Variants in FARP2 observed in about 807,000 individuals in gnomAD.
FARP2 encodes FERM, ARHGEF and pleckstrin domain-containing protein 2.
FARP2 carries 111 observed loss-of-function variants against 130.5 expected under a neutral mutation model. That is an observed-to-expected ratio of 0.85 (90% CI 0.73 to 1.00). The LOEUF is 1.00. Ranked by LOEUF, FARP2 falls within the 50% of genes least tolerant of loss-of-function variation. The pLI, the probability that FARP2 is intolerant of heterozygous loss-of-function variation, is 0.00. For missense variants in FARP2, 1,385 were observed against 1,346.3 expected, an observed-to-expected ratio of 1.03 and a Z score of -0.45; for synonymous variants, 504 against 516.9, an observed-to-expected ratio of 0.98 and a Z score of 0.34.
At chr2:241,369,891 A>C (rs934804029) in intron 1 of FARP2, among the ~76,000 whole-genome samples, 2 of 152,196 alleles carry the variant, frequency 1.3e-5, no homozygotes, top group African/African-American at 4.8e-5. Context: ...GGAACCTTCA[A>C]AGTGGAAGTC....
rs143775411 is a variant in FARP2 at position 241,413,307 on chromosome 2, C to T, written c.509C>T (p.Ser170Leu). 1.0e-4 allele frequency: 162 copies of T among 1,594,596 alleles called. No homozygotes were observed. In the African/African-American group the frequency reaches 1.4e-3, roughly 13 times the overall value. ...GTTACTTACTTTTAACCTATCTCAG[C>T]GGAAATAGGAGATTACGATGAAACG... ...AALLTSHLLQSEIGDYDETLD... is the reference protein window; with the variant it reads ...AALLTSHLLQLEIGDYDETLD... The change falls in exon 7 of 27, where the codon TCG (serine) becomes TTG (leucine). Residue 170 changes from serine to leucine, a missense_variant and splice_region_variant. Physicochemically the swap from Ser to Leu is moderately radical, Grantham distance 145. Transcript: ENST00000264042.
At chr2:241,366,657 G>A (rs930892589) in intron 1 of FARP2, among the ~76,000 whole-genome samples, 1 of 152,038 alleles carries the variant, frequency 6.6e-6, no homozygotes, top group Non-Finnish European at 1.5e-5. Context: ...ATTTTATGGG[G>A]TATATTTAAT....
chr2:241,393,137 A>C (rs2061949064), intron 2 of FARP2, among the ~76,000 whole-genome samples: 1 of 151,556 alleles, frequency 6.6e-6, no homozygotes, highest in Admixed American at 6.6e-5. Flanking sequence ...CTCCTGTCTC[A>C]GCCTTCTGAG....
chr2:241,437,859 G>A (rs551011919), intron 12 of FARP2, among the ~76,000 whole-genome samples: 1 of 151,996 alleles, frequency 6.6e-6, no homozygotes, highest in South Asian at 2.1e-4. Flanking sequence ...TAGAGACGGG[G>A]TTTCACTGTG....
In FARP2 at chr2:241,484,341, C is replaced by G; in HGVS notation, c.2421+10C>G. On this transcript the variant is annotated intron_variant, in intron 21 of 26. Coordinates refer to ENST00000264042, the MANE Select transcript of FARP2 (RefSeq NM_014808.4). ...CCTCCAAGGCATGCTGGTGAGTGGT[C>G]TTGCACCCTGCCTGGGATTTCCACG... The G allele has an allele frequency of 6.2e-7, 1 of 1,611,728 alleles. No individual in the cohort carries two copies. The highest frequency in any genetic ancestry group is 8.5e-7 in the Non-Finnish European group (1 of 1,177,846).
chr2:241,461,236 C>T (rs2064008367), intron 14 of FARP2, among the ~76,000 whole-genome samples: 4 of 152,178 alleles, frequency 2.6e-5, no homozygotes, highest in Admixed American at 6.5e-5. Flanking sequence ...TACCTCCACA[C>T]CGGACCTTCA....
rs79651867 is a variant in FARP2, at chr2:241,387,878, C to G, written c.183+14588C>G. Among the ~76,000 whole-genome samples the G allele has an allele frequency of 7.1e-3, 1,066 of 150,850 alleles. 30 individuals carry two copies. The South Asian group carries it at 0.076, about 11-fold the overall frequency. ...TTTGGATTCAATTTAACAAAAGAAC[C>G]TTAAAACTTGTACACAGAAAATCAT... On this transcript the variant is annotated intron_variant, in intron 2 of 26. Transcript: ENST00000264042.
At chr2:241,464,354 C>T (rs903736657) in intron 17 of FARP2, among the ~76,000 whole-genome samples, 5 of 148,134 alleles carry the variant, frequency 3.4e-5, no homozygotes, top group Non-Finnish European at 7.5e-5. Flanking sequence ...CCCCTAAGAG[C>T]GGGGTCTCCT....
intron 2 of FARP2, among the ~76,000 whole-genome samples, chr2:241,392,312 T>G (rs1296617436): frequency 6.6e-6 from 1 of 152,108 alleles, no homozygotes; most frequent in African/African-American, 2.4e-5. Flanking sequence ...CCAGCTTGTG[T>G]AAAAGGAATG....
chr2:241,491,449 G>C (rs1386207630), intron 23 of FARP2, 67 bp from the exon 24 acceptor site: 7 of 1,569,162 alleles, frequency 4.5e-6, no homozygotes, highest in African/African-American at 1.3e-5. Flanking sequence ...GAACCCAAGG[G>C]GTGGAAGTAT....
rs567933264 is a variant in FARP2 at position 241,375,004 on chromosome 2, C to T, written c.183+1714C>T. ...CCCTGTCACCCAGGCTGGAGTGCCA[C>T]GGCATGATCTCGGCTCACTGCAAGC... is the stretch of plus-strand genomic sequence containing the variant. On this transcript the variant is annotated intron_variant, in intron 2 of 26. Transcript: ENST00000264042. 7.9e-5 allele frequency among the ~76,000 whole-genome samples: 12 copies of T among 152,296 alleles called. No homozygotes were observed. In the South Asian group the frequency reaches 2.3e-3, roughly 29 times the overall value.
intron 14 of FARP2, among the ~76,000 whole-genome samples, chr2:241,461,106 T>C (rs2064005096): frequency 1.3e-5 from 2 of 152,074 alleles, no homozygotes; most frequent in Non-Finnish European, 2.9e-5. Flanking sequence ...AGCTACTTGC[T>C]CACTTGCAAA....
At chr2:241,387,509 A>G (rs2061812433) in intron 2 of FARP2, among the ~76,000 whole-genome samples, 1 of 152,196 alleles carries the variant, frequency 6.6e-6, no homozygotes, top group Non-Finnish European at 1.5e-5. Flanking sequence ...AAATTGTTTT[A>G]TTGGCCAGAC....
intron 2 of FARP2, among the ~76,000 whole-genome samples, chr2:241,399,644 AT>A (rs2062116960): frequency 6.6e-6 from 1 of 152,034 alleles, no homozygotes; most frequent in Non-Finnish European, 1.5e-5. Flanking sequence ...ACTATCTTCT[AT>A]TTTGTGGCTT....
Position 241,441,577 on chromosome 2 carries a change from G to T in FARP2, c.1411+21G>T, listed in dbSNP as rs55641294. The T allele has an allele frequency of 2.3e-3, 3,763 of 1,613,810 alleles. 10 individuals carry two copies. Among genetic ancestry groups the T allele is most frequent in the Non-Finnish European group, 3.0e-3 (3,490 of 1,180,044 alleles). Reference sequence around the variant, plus strand: ...TCCAGGTGTCGGGTTTTGTCATGTCGTGAGCAGCTGTGGTTCTGTCTGTGC... The same window carrying T: ...TCCAGGTGTCGGGTTTTGTCATGTCTTGAGCAGCTGTGGTTCTGTCTGTGC... On this transcript the variant is annotated intron_variant, in intron 13 of 26. Transcript: ENST00000264042.
chr2:241,474,133 C>T (rs1039904823), intron 18 of FARP2, among the ~76,000 whole-genome samples: 3 of 151,292 alleles, frequency 2.0e-5, no homozygotes, highest in Non-Finnish European at 4.4e-5. Flanking sequence ...AGTGAAACCC[C>T]GTCTCTACTA....
At position 241,404,795 on chromosome 2, in the gene FARP2, T is replaced by G. The variant is rs1322380265; in HGVS notation, c.289-4T>G. 1.2e-6 allele frequency: 2 copies of G among 1,602,656 alleles called. No homozygotes were observed. The highest frequency in any genetic ancestry group is 1.7e-6 in the Non-Finnish European group (2 of 1,169,914). ...TTGGATTTCTTCTGTTAACTCTTCT[T>G]TAGATTTGGCTTGAACCTATGAAAC... On this transcript the variant is annotated splice_polypyrimidine_tract_variant and splice_region_variant and intron_variant, in intron 3 of 26. Transcript: ENST00000264042.
chr2:241,409,480 T>C (rs189960804), intron 5 of FARP2, among the ~76,000 whole-genome samples: 186 of 152,076 alleles, frequency 1.2e-3, no homozygotes, highest in Non-Finnish European at 1.9e-4. Context: ...GCCCAGGAGG[T>C]TGAGGCTGCA....
intron 2 of FARP2, among the ~76,000 whole-genome samples, chr2:241,379,386 G>A (rs1046482482): frequency 6.6e-6 from 1 of 152,152 alleles, no homozygotes; most frequent in Non-Finnish European, 1.5e-5. Flanking sequence ...TGACAAGTGG[G>A]GATTGCATCT....
Sources: allele counts gnomAD v4.1 joint callset (sites outside exome capture counted in the v4.1 genomes callset), GRCh38; gene constraint gnomAD v4.1.1; transcripts MANE v1.5; gene names NCBI Gene and HGNC (gene_info 2026-07-23, HGNC 2026-07-21).